PID1: variants seen among roughly 807,000 people sequenced by gnomAD.
PID1 encodes phosphotyrosine interaction domain containing 1, also known as PTB-containing, cubilin and LRP1-interacting protein.
A neutral mutation model predicts 19.1 loss-of-function variants in PID1; 10 were observed. That is an observed-to-expected ratio of 0.52 (90% CI 0.32 to 0.89). PID1 has a LOEUF of 0.89. PID1 is among the 40% of genes least tolerant of loss of function. The pLI is 0.03. For synonymous variants in PID1, 130 were observed against 116.0 expected (o/e 1.12, Z -0.78); for missense variants, 248 against 285.3 (o/e 0.87, Z 0.94).
chr2:229,197,756 A>G (rs1311947841), intron 1 of PID1, among the ~76,000 whole-genome samples: 1 of 151,978 alleles, frequency 6.6e-6, no homozygotes, highest in Non-Finnish European at 1.5e-5. Flanking sequence ...CAGCATGGTG[A>G]ATGACGACAC....
At position 229,025,929 on chromosome 2, in the gene PID1, C is replaced by T; in HGVS notation, c.357G>A (p.Gly119=). Residue 119 remains glycine (G), a synonymous_variant, in exon 3 of 3, where the codon GGG becomes GGA. Coordinates refer to ENST00000392055, the MANE Select transcript of PID1 (RefSeq NM_001100818.2). ...AGGTATCCATGTGCACTGTGGCCTC[C>T]CCTTTGTGGTCGAGATGATGGAGCC... is the stretch of plus-strand genomic sequence containing the variant. ...QVWLHHLDHK[G]EATVHMDTFQ... The T allele has an allele frequency of 7.4e-6, 12 of 1,614,120 alleles. No homozygotes were observed. The highest frequency in any genetic ancestry group is 1.0e-5 in the Non-Finnish European group (12 of 1,179,972).
At chr2:229,113,438 A>G (rs1695339606) in intron 2 of PID1, among the ~76,000 whole-genome samples, 2 of 97,686 alleles carry the variant, frequency 2.0e-5, no homozygotes, top group African/African-American at 6.0e-5. Flanking sequence ...ACATACATAT[A>G]TATACACACA....
intron 2 of PID1, among the ~76,000 whole-genome samples, chr2:229,115,462 AAAAC>A (rs1353229572): frequency 1.3e-5 from 2 of 152,048 alleles, no homozygotes; most frequent in Non-Finnish European, 2.9e-5. Context: ...AAAATGAAGA[AAAAC>A]AAAAGAAGAA....
At chr2:229,148,909 G>T (rs1690191362) in intron 2 of PID1, among the ~76,000 whole-genome samples, 1 of 151,972 alleles carries the variant, frequency 6.6e-6, no homozygotes. Flanking sequence ...CATTTGAGGA[G>T]ACAAGCAGAA....
intron 1 of PID1, among the ~76,000 whole-genome samples, chr2:229,255,946 C>T (rs540695353): frequency 4.5e-4 from 69 of 152,262 alleles, no homozygotes; most frequent in Non-Finnish European, 7.1e-4. Flanking sequence ...AGGTGGGCTG[C>T]GAGAGCTGTA....
intron 2 of PID1, among the ~76,000 whole-genome samples, chr2:229,137,427 A>G (rs1689878810): frequency 1.3e-5 from 2 of 152,238 alleles, no homozygotes; most frequent in Admixed American, 1.3e-4. Flanking sequence ...TTAATTTCTC[A>G]CAGTAAAGAT....
intron 1 of PID1, among the ~76,000 whole-genome samples, chr2:229,269,924 A>C (rs1311813293): frequency 1.3e-5 from 2 of 152,172 alleles, no homozygotes; most frequent in African/African-American, 4.8e-5. Flanking sequence ...TGTTTCTGCT[A>C]AATGCAATGC....
intron 2 of PID1, among the ~76,000 whole-genome samples, chr2:229,042,100 C>T (rs1693782142): frequency 6.6e-6 from 1 of 152,250 alleles, no homozygotes; most frequent in African/African-American, 2.4e-5. Flanking sequence ...AGAAACCATA[C>T]TCTGAAGTAC....
At chr2:229,035,096 G>A (rs548866144) in intron 2 of PID1, among the ~76,000 whole-genome samples, 1 of 152,126 alleles carries the variant, frequency 6.6e-6, no homozygotes, top group Non-Finnish European at 1.5e-5. Flanking sequence ...CATGGATTTG[G>A]GTAGGGCATG....
intron 2 of PID1, among the ~76,000 whole-genome samples, chr2:229,036,382 T>C (rs976661064): frequency 3.3e-5 from 5 of 152,178 alleles, no homozygotes; most frequent in African/African-American, 7.2e-5. Context: ...TTTTGTTTGA[T>C]TTGTTCCCAG....
At chr2:229,252,719 T>G (rs2106285115) in intron 1 of PID1, among the ~76,000 whole-genome samples, 1 of 152,330 alleles carries the variant, frequency 6.6e-6, no homozygotes, top group East Asian at 1.9e-4. Flanking sequence ...AAACAGATAT[T>G]GGCTGTACTC....
chr2:229,081,766 G>C (rs1234598283), intron 2 of PID1, among the ~76,000 whole-genome samples: 1 of 152,180 alleles, frequency 6.6e-6, no homozygotes, highest in Admixed American at 6.5e-5. Context: ...TTAAATGCTG[G>C]ACAAACAAAA....
At chr2:229,158,820 C>A (rs184459506) in intron 1 of PID1, among the ~76,000 whole-genome samples, 1 of 152,048 alleles carries the variant, frequency 6.6e-6, no homozygotes, top group African/African-American at 2.4e-5. Context: ...TGAAATAAGC[C>A]AAGCACAGAA....
chr2:229,239,927 C>G (rs1274863100), intron 1 of PID1, among the ~76,000 whole-genome samples: 1 of 151,996 alleles, frequency 6.6e-6, no homozygotes, highest in Admixed American at 6.6e-5. Flanking sequence ...ATTCCTGGCA[C>G]TATTATACTC....
chr2:229,053,823 C>G (rs966001359), intron 2 of PID1, among the ~76,000 whole-genome samples: 8 of 152,148 alleles, frequency 5.3e-5, no homozygotes, highest in African/African-American at 1.2e-4. Flanking sequence ...TGAAACCCAG[C>G]AATCAGGGAG....
At chr2:229,053,043 C>G (rs1694026864) in intron 2 of PID1, among the ~76,000 whole-genome samples, 1 of 152,020 alleles carries the variant, frequency 6.6e-6, no homozygotes, top group Non-Finnish European at 1.5e-5. Flanking sequence ...TAATTTACAG[C>G]AACAAAAGCC....
At chr2:229,254,156 C>A (rs868664028) in intron 1 of PID1, among the ~76,000 whole-genome samples, 1 of 152,042 alleles carries the variant, frequency 6.6e-6, no homozygotes, top group African/African-American at 2.4e-5. Context: ...TCATTACGAA[C>A]AACAACAACA....
At chr2:229,114,317 T>A (rs1385491424) in intron 2 of PID1, among the ~76,000 whole-genome samples, 2 of 152,092 alleles carry the variant, frequency 1.3e-5, no homozygotes, top group African/African-American at 4.8e-5. Context: ...TCTGTTCTAT[T>A]TAAGAAGTGC....
Position 229,262,945 on chromosome 2 carries a change from C to A in PID1, c.30+8069G>T, listed in dbSNP as rs1243768463. The A allele has an allele frequency of 1.8e-5, 25 of 1,408,574 alleles. 1 individual carries two copies. Among genetic ancestry groups the A allele is most frequent in the Non-Finnish European group, 2.2e-5 (24 of 1,078,070 alleles). The allele number at this position is 1,408,574 out of a possible 1,614,324, so 87.3% of individuals were successfully genotyped here. A position where few individuals can be genotyped will look rare whatever the true frequency, so the allele number is the denominator to read the frequency against. On this transcript the variant is annotated intron_variant, in intron 1 of 2. Transcript: ENST00000392055. Reference sequence around the variant, plus strand: ...TAGGGTTCACCCTAATTCAATATGACCTCATCTTAACTTGCTTACATCTGC... The same window carrying A: ...TAGGGTTCACCCTAATTCAATATGAACTCATCTTAACTTGCTTACATCTGC...
Sources: gnomAD v4.1 joint callset for allele counts (sites outside exome capture counted in the v4.1 genomes callset) on GRCh38, gnomAD v4.1.1 for gene constraint, MANE v1.5 for transcripts, NCBI Gene and HGNC (gene_info 2026-07-23, HGNC 2026-07-21) for gene names.